SMC5: variants seen among roughly 807,000 people sequenced by gnomAD.
SMC5 encodes the protein structural maintenance of chromosomes protein 5.
In SMC5, 88 loss-of-function variants were observed where a neutral mutation model predicts 148.3. The ratio of observed to expected loss-of-function variants is 0.59; its 90% CI spans 0.50 to 0.71. The LOEUF is 0.71. SMC5 is among the 30% of genes least tolerant of loss of function. The pLI is 0.00. For synonymous variants in SMC5, 421 were observed against 432.8 expected (o/e 0.97, Z 0.34); for missense variants, 1,142 against 1,298.9 (o/e 0.88, Z 1.86).
At chr9:70,343,127 T>C (rs952213620) in intron 17 of SMC5, among the ~76,000 whole-genome samples, 4 of 151,306 alleles carry the variant, frequency 2.6e-5, no homozygotes, top group Admixed American at 2.6e-4. Flanking sequence ...TTGGGCAAGT[T>C]ACTTAATTCC....
chr9:70,293,937 G>A (rs999809768), intron 8 of SMC5, among the ~76,000 whole-genome samples: 2 of 151,996 alleles, frequency 1.3e-5, no homozygotes, highest in African/African-American at 4.8e-5. Context: ...GTGATGGCTT[G>A]GAATTTTTGT....
rs2036841672 is a variant in SMC5 at position 70,353,158 on chromosome 9, ATTAT to A, written c.*830_*833del. The A allele has an allele frequency of 6.6e-6, 1 of 152,176 alleles. No homozygotes were observed. The highest frequency in any genetic ancestry group is 2.1e-4 in the South Asian group (1 of 4,824). 9.4% of individuals were successfully genotyped at this position (152,176 alleles called of 1,614,324 possible). A position where few individuals can be genotyped will look rare whatever the true frequency, so the allele number is the denominator to read the frequency against. On this transcript the variant is annotated 3_prime_UTR_variant, in exon 25 of 25. Transcript: ENST00000361138. Reference sequence around the variant, plus strand: ...CTTACATTTCTAAAAGCATTTTATAATTATTTTTAGTAAGATTTTTCTTAAAATT... The same window carrying A: ...CTTACATTTCTAAAAGCATTTTATAATTTTAGTAAGATTTTTCTTAAAATT...
chr9:70,322,896 ACT>A, intron 15 of SMC5, among the ~76,000 whole-genome samples: 1 of 151,660 alleles, frequency 6.6e-6, no homozygotes, highest in Non-Finnish European at 1.5e-5. Flanking sequence ...ATTAAACACT[ACT>A]CTCCTTTAGG....
chr9:70,281,496 T>C (rs532917981), intron 6 of SMC5, among the ~76,000 whole-genome samples: 3 of 152,332 alleles, frequency 2.0e-5, no homozygotes, highest in African/African-American at 4.8e-5. Flanking sequence ...ATTAAATCTT[T>C]GGGTGTCCTC....
rs114535133 is a variant in SMC5, at chr9:70,314,019, A to G, written c.1579-723A>G. Reference sequence around the variant, plus strand: ...GCCTTCCACTTGTTGCTTTCCTCCAATCCCCTGGAATTTTCCTGTGCACTC... The same window carrying G: ...GCCTTCCACTTGTTGCTTTCCTCCAGTCCCCTGGAATTTTCCTGTGCACTC... On this transcript the variant is annotated intron_variant, in intron 11 of 24. Coordinates refer to ENST00000361138, the MANE Select transcript of SMC5 (RefSeq NM_015110.4). 2.5e-3 allele frequency among the ~76,000 whole-genome samples: 385 copies of G among 152,216 alleles called. 1 individual carries two copies. The highest frequency in any genetic ancestry group is 8.9e-3 in the African/African-American group (368 of 41,556).
At chr9:70,281,854 TTTC>T (rs1328288928) in intron 6 of SMC5, among the ~76,000 whole-genome samples, 1 of 152,078 alleles carries the variant, frequency 6.6e-6, no homozygotes, top group African/African-American at 2.4e-5. Context: ...TTTTTTCATT[TTTC>T]TTCTTTTTTG....
chr9:70,311,669 A>C (rs144105182), intron 11 of SMC5: 1 of 151,978 alleles, frequency 6.6e-6, no homozygotes, highest in Non-Finnish European at 1.5e-5. Flanking sequence ...CTATGTTAGT[A>C]ACTTCTGATT....
intron 17 of SMC5, among the ~76,000 whole-genome samples, chr9:70,343,391 T>C (rs149946328): frequency 1.2e-4 from 19 of 152,234 alleles, no homozygotes; most frequent in African/African-American, 4.3e-4. Context: ...AATAAATAGG[T>C]CCATGAATAA....
intron 10 of SMC5, among the ~76,000 whole-genome samples, chr9:70,303,350 G>T (rs2035412435): frequency 2.6e-5 from 4 of 151,972 alleles, no homozygotes; most frequent in African/African-American, 9.7e-5. Context: ...TCATTTTGGG[G>T]TTACTTTTAC....
At chr9:70,334,512 G>C (rs763624626) in intron 17 of SMC5, among the ~76,000 whole-genome samples, 9 of 152,178 alleles carry the variant, frequency 5.9e-5, no homozygotes, top group Non-Finnish European at 1.3e-4. Context: ...GAGAGGACTT[G>C]TATCTAGACC....
intron 11 of SMC5, among the ~76,000 whole-genome samples, chr9:70,309,424 G>A (rs2035601543): frequency 1.4e-5 from 2 of 140,742 alleles, no homozygotes; most frequent in Admixed American, 1.6e-4. Context: ...ATAGGCATGA[G>A]CCACCGCGCC....
chr9:70,269,069 T>C (rs1315711444), intron 3 of SMC5, among the ~76,000 whole-genome samples: 2 of 152,216 alleles, frequency 1.3e-5, no homozygotes, highest in Non-Finnish European at 2.9e-5. Flanking sequence ...CTGATAGCCC[T>C]ACTATTTGAT....
At chr9:70,290,728 T>C (rs1330841531) in intron 8 of SMC5, among the ~76,000 whole-genome samples, 1 of 152,140 alleles carries the variant, frequency 6.6e-6, no homozygotes, top group Non-Finnish European at 1.5e-5. Flanking sequence ...TTTAATCCTT[T>C]TCCTATTTAG....
chr9:70,265,593 A>G (rs2034268977), intron 2 of SMC5, among the ~76,000 whole-genome samples: 1 of 152,240 alleles, frequency 6.6e-6, no homozygotes, highest in Admixed American at 6.5e-5. Context: ...GAGAAATGAA[A>G]CAATGTTTAG....
chr9:70,290,101 C>T (rs1415157117), intron 8 of SMC5, among the ~76,000 whole-genome samples: 1 of 152,096 alleles, frequency 6.6e-6, no homozygotes, highest in Non-Finnish European at 1.5e-5. Flanking sequence ...ATCCAAAACA[C>T]TTCTGGTGCC....
rs201659247 is a variant in SMC5 at position 70,315,432 on chromosome 9, A to T, written c.1674-14A>T. 4 of 1,539,048 alleles carry T rather than the reference A, an allele frequency of 2.6e-6. No homozygotes were observed. The highest frequency in any genetic ancestry group is 3.5e-6 in the Non-Finnish European group (4 of 1,139,670). On this transcript the variant is annotated splice_polypyrimidine_tract_variant and intron_variant, in intron 12 of 24. Coordinates refer to ENST00000361138, the MANE Select transcript of SMC5 (RefSeq NM_015110.4). ...TTTTAAGAAGAAAAATCTAATCAAT[A>T]CTTTTCCTTTCAGACAATACGGATT...
intron 11 of SMC5, among the ~76,000 whole-genome samples, chr9:70,309,318 C>CGTTTTT (rs2035594091): frequency 3.8e-5 from 3 of 79,180 alleles, no homozygotes; most frequent in Non-Finnish European, 4.7e-5. Context: ...TTTCCTTTTC[C>CGTTTTT]TTTTTTTTTT....
At chr9:70,319,396 CA>C (rs1444850437) in intron 15 of SMC5, among the ~76,000 whole-genome samples, 3 of 151,990 alleles carry the variant, frequency 2.0e-5, no homozygotes, top group Non-Finnish European at 4.4e-5. Context: ...GTTTTCCAGA[CA>C]AAATACATTT....
chr9:70,268,704 C>T (rs982973852), intron 3 of SMC5, among the ~76,000 whole-genome samples: 2 of 151,872 alleles, frequency 1.3e-5, no homozygotes, highest in Admixed American at 6.6e-5. Flanking sequence ...GCCTTCTTGC[C>T]ATCATTCCTA....
Sources: gnomAD v4.1 joint callset for allele counts (sites outside exome capture counted in the v4.1 genomes callset) on GRCh38, gnomAD v4.1.1 for gene constraint, MANE v1.5 for transcripts, NCBI Gene and HGNC (gene_info 2026-07-23, HGNC 2026-07-21) for gene names.